PHB1: variants seen among roughly 807,000 people sequenced by gnomAD.
PHB1 encodes the protein prohibitin 1.
At chr17:49,413,364 C>CCG in the PHB1 span, 1 of 798,048 alleles carries the variant, frequency 1.3e-6, no homozygotes, top group Admixed American at 2.0e-5. Flanking sequence ...TGACACACAA[C>CCG]AGTCACTTTT....
At chr17:49,412,002 C>A in the PHB1 span, 1 of 609,310 alleles carries the variant, frequency 1.6e-6, no homozygotes, top group South Asian at 2.1e-5. Flanking sequence ...TAACTAGCTG[C>A]AAAACTAAGC....
At chr17:49,412,948 T>C in the PHB1 span, 1 of 468,976 alleles carries the variant, frequency 2.1e-6, no homozygotes, top group South Asian at 2.7e-5. Flanking sequence ...AACTAGGAAG[T>C]GGGCTGGGAA....
the PHB1 span, chr17:49,406,729 G>C: frequency 2.7e-6 from 4 of 1,508,106 alleles, no homozygotes; most frequent in Non-Finnish European, 2.8e-6. Flanking sequence ...AGGGGAGAGA[G>C]AGGCTCCTGC....
At chr17:49,407,123 G>A in the PHB1 span, 1 of 434,120 alleles carries the variant, frequency 2.3e-6, no homozygotes. Context: ...GGCTTTTGAT[G>A]GGGCCCACAG....
At chr17:49,404,930 GT>G in the PHB1 span, 1 of 1,098,448 alleles carries the variant, frequency 9.1e-7, no homozygotes, top group Non-Finnish European at 1.4e-6. Context: ...AAGGAAGGCT[GT>G]GTTAAGAATC....
chr17:49,407,899 A>T, the PHB1 span, among the ~76,000 whole-genome samples: 1 of 152,212 alleles, frequency 6.6e-6, no homozygotes, highest in African/African-American at 2.4e-5. Context: ...GAAAAATGAA[A>T]TGTATAATTA....
the PHB1 span, among the ~76,000 whole-genome samples, chr17:49,413,752 C>A: frequency 7.9e-5 from 12 of 152,220 alleles, no homozygotes; most frequent in East Asian, 2.3e-3. Context: ...TCAAGTGATC[C>A]CCCTGCCTCG....
the PHB1 span, chr17:49,411,846 A>G: frequency 6.2e-7 from 1 of 1,612,836 alleles, no homozygotes; most frequent in Non-Finnish European, 8.5e-7. Flanking sequence ...TCCACTAGGA[A>G]GAAAGGACAA....
chr17:49,409,842 G>A, the PHB1 span, among the ~76,000 whole-genome samples: 1 of 150,428 alleles, frequency 6.6e-6, no homozygotes, highest in African/African-American at 2.4e-5. Context: ...GGCCACAAGT[G>A]GTCTTTTATA....
At chr17:49,406,939 G>A in the PHB1 span, 1 of 943,866 alleles carries the variant, frequency 1.1e-6, no homozygotes, top group East Asian at 2.4e-5. Context: ...GCTGGAAGAA[G>A]AGGCCAGCAA....
At chr17:49,409,250 C>T in the PHB1 span, 47 of 1,590,838 alleles carry the variant, frequency 3.0e-5, 2 homozygotes, top group Middle Eastern at 5.0e-4. Context: ...CCAACCAACC[C>T]ACTGCCAAGC....
chr17:49,409,535 TTTTTTTTG>T, the PHB1 span: 3 of 1,077,246 alleles, frequency 2.8e-6, no homozygotes, highest in South Asian at 3.3e-5. Context: ...AACAAGTGTT[TTTTTTTTG>T]TTTTTTTTTT....
At chr17:49,409,452 G>A in the PHB1 span, 2 of 1,598,786 alleles carry the variant, frequency 1.3e-6, no homozygotes, top group Non-Finnish European at 8.5e-7. Context: ...GATGCGCAGT[G>A]TGATGTTGAC....
chr17:49,406,820 G>A, the PHB1 span: 11 of 1,613,696 alleles, frequency 6.8e-6, no homozygotes, highest in East Asian at 2.2e-5. Context: ...GGCTTCCACC[G>A]CTTCTGTGAA....
the PHB1 span, among the ~76,000 whole-genome samples, chr17:49,405,784 A>C: frequency 2.6e-5 from 4 of 152,072 alleles, no homozygotes; most frequent in Non-Finnish European, 4.4e-5. Flanking sequence ...ACAAACAAAC[A>C]AACAAACAAA....
chr17:49,409,314 G>T, the PHB1 span: 1 of 1,614,008 alleles, frequency 6.2e-7, no homozygotes, highest in Non-Finnish European at 8.5e-7. Flanking sequence ...CGAGGCTAAA[G>T]GCCCCTGTTC....
At chr17:49,413,230 A>C in the PHB1 span, 3 of 1,611,604 alleles carry the variant, frequency 1.9e-6, no homozygotes, top group East Asian at 2.2e-5. Flanking sequence ...GGCCAGGCCA[A>C]ACTTGCCAAT....
At chr17:49,409,127 T>G in the PHB1 span, 1 of 1,614,066 alleles carries the variant, frequency 6.2e-7, no homozygotes, top group Non-Finnish European at 8.5e-7. Flanking sequence ...CAGCTCTCTC[T>G]GGGTGATTAG....
chr17:49,405,262 C>T, the PHB1 span: 5 of 1,448,294 alleles, frequency 3.5e-6, no homozygotes. Context: ...TGTCAGGCTA[C>T]AACCAAAGGC....
Sources: gnomAD v4.1 joint callset for allele counts (sites outside exome capture counted in the v4.1 genomes callset) on GRCh38, gnomAD v4.1.1 for gene constraint, MANE v1.5 for transcripts, NCBI Gene and HGNC (gene_info 2026-07-23, HGNC 2026-07-21) for gene names.